TNFAIP3: variants seen among roughly 807,000 people sequenced by gnomAD.
The protein encoded by TNFAIP3 is TNF alpha induced protein 3, also known as tumor necrosis factor alpha-induced protein 3.
In TNFAIP3, 9 loss-of-function variants were observed where a neutral mutation model predicts 72.4. The ratio of observed to expected loss-of-function variants is 0.12; its 90% confidence interval spans 0.07 to 0.22. The LOEUF (loss-of-function observed/expected upper bound fraction) is 0.22. Among genes scored for constraint, TNFAIP3 ranks in the 10% least tolerant of loss-of-function variants. TNFAIP3 has a pLI of 1.00. For missense variants in TNFAIP3, 833 were observed against 1,018.7 expected (o/e 0.82, Z 2.48); for synonymous variants, 339 against 372.6 (o/e 0.91, Z 1.04).
At position 137,877,156 on chromosome 6, in the gene TNFAIP3, A is replaced by T; in HGVS notation, c.886A>T (p.Asn296Tyr). The change falls in exon 6 of 9, where the codon AAT becomes TAT. Residue 296 changes from asparagine to tyrosine, a missense_variant. Physicochemically the swap from Asn to Tyr is moderately radical, Grantham distance 143. Around this residue, in one of 2 missense-constraint regions of TNFAIP3, gnomAD observed 587 missense variants for 657.8 expected, o/e 0.89. Coordinates refer to ENST00000612899, the MANE Select transcript of TNFAIP3 (RefSeq NM_001270508.2). ...AGTTCACTTTTTGACAGATCCTGAA[A>T]ATGAGATGAAGGAGAAGCTCTTAAA... ...LKVHFLTDPENEMKEKLLKEY... is the reference protein window; with the variant it reads ...LKVHFLTDPEYEMKEKLLKEY... 1 of 1,614,096 alleles carries T rather than the reference A, an allele frequency of 6.2e-7. No homozygotes were observed. The highest frequency in any genetic ancestry group is 8.5e-7 in the Non-Finnish European group (1 of 1,179,988).
chr6:137,875,662 CT>C lies in TNFAIP3; in HGVS notation c.487-18del, dbSNP rs34143521. ...ACAGGGAGTACAGGATACATTCAAGCTTTTTTTTCACCCCGCTCCCCTTAGA... is the reference window on the plus strand; with the variant it reads ...ACAGGGAGTACAGGATACATTCAAGCTTTTTTTCACCCCGCTCCCCTTAGA... On this transcript the variant is annotated intron_variant, in intron 3 of 8. Coordinates refer to ENST00000612899, the MANE Select transcript of TNFAIP3 (RefSeq NM_001270508.2). 7 of 1,612,134 alleles carry C rather than the reference CT, an allele frequency of 4.3e-6. No individual in the cohort carries two copies. Among genetic ancestry groups the C allele is most frequent in the Admixed American group, 1.7e-5 (1 of 59,836 alleles).
In TNFAIP3 at chr6:137,881,190, C is replaced by T. The variant is rs778784894; in HGVS notation, c.2244C>T (p.His748=). Residue 748 remains histidine (H), a synonymous_variant, in exon 9 of 9, where the codon CAC becomes CAT. Transcript: ENST00000612899. The surrounding 1 kb of genome is among the most constrained non-coding windows in gnomAD (Gnocchi z 5.0). ...HPNQRMGPGA[H]RGEPAPEDPP... is the part of the protein sequence containing the mutation. ...ACCAGAGGATGGGCCCTGGGGCCCA[C>T]CGGGGTGAGCCTGCCCCCGAAGACC... 4.3e-6 allele frequency: 7 copies of T among 1,613,454 alleles called. No individual in the cohort carries two copies. In the East Asian group the frequency reaches 6.7e-5, roughly 15 times the overall value.
chr6:137,872,932 C>G (rs778142042), intron 2 of TNFAIP3, among the ~76,000 whole-genome samples: 8 of 151,700 alleles, frequency 5.3e-5, no homozygotes, highest in African/African-American at 1.7e-4. Context: ...TGACTTTTAG[C>G]TTTATTTCCT....
intron 1 of TNFAIP3, among the ~76,000 whole-genome samples, chr6:137,869,337 A>AGATGGATGGATGGATGGATGGATG (rs71009567): frequency 6.9e-6 from 1 of 145,032 alleles, no homozygotes; most frequent in Admixed American, 6.9e-5. Flanking sequence ...ATGGATGGAT[A>AGATGGATGGATGGATGGATGGATG]GATGGATGGA....
At chr6:137,872,332 G>A (rs1190191268) in intron 2 of TNFAIP3, among the ~76,000 whole-genome samples, 2 of 152,134 alleles carry the variant, frequency 1.3e-5, no homozygotes, top group Non-Finnish European at 2.9e-5. Flanking sequence ...CTATGGATGT[G>A]CATAATTATG....
At chr6:137,868,304 T>C (rs993758758) in intron 1 of TNFAIP3, 1 of 152,368 alleles carries the variant, frequency 6.6e-6, no homozygotes, top group Non-Finnish European at 1.5e-5. Context: ...GCCTCAGATC[T>C]TCTTGCCTTG....
chr6:137,880,624 C>T (rs1012489545), intron 8 of TNFAIP3, among the ~76,000 whole-genome samples: 4 of 118,550 alleles, frequency 3.4e-5, no homozygotes, highest in Admixed American at 9.5e-5. Context: ...TCATAAGGAG[C>T]GAACAGACAG....
At position 137,878,439 on chromosome 6, in the gene TNFAIP3, G is replaced by A; in HGVS notation, c.994G>A (p.Glu332Lys). 1 of 1,603,852 alleles carries A rather than the reference G, an allele frequency of 6.2e-7. No homozygotes were observed. The highest frequency in any genetic ancestry group is 8.5e-7 in the Non-Finnish European group (1 of 1,172,282). ...THLINAAKLD[E>K]ANLPKEINLV... ...TTTCCTTTTGGTCTTCAGGTTGGAT[G>A]AAGCTAACTTACCAAAAGAAATCAA... Residue 332 changes from glutamate (E) to lysine (K), a missense_variant, in exon 7 of 9, where the codon GAA (glutamate) becomes AAA (lysine). Transcript: ENST00000612899.
At position 137,878,742 on chromosome 6, in the gene TNFAIP3, A is replaced by G. The variant is rs1168323487; in HGVS notation, c.1297A>G (p.Met433Val). Residue 433 changes from methionine to valine, a missense_variant, in exon 7 of 9, where the codon ATG becomes GTG. This residue lies in a region of TNFAIP3 where 587 missense variants were observed against 657.8 expected (regional missense o/e 0.89). Transcript: ENST00000612899. ...SKPGPEGLPG[M>V]ALGASRGEAY... ...GCCGGGCCCTGAGGGGCTCCCTGGCATGGCGCTCGGGGCCTCTCGGGGAGA... is the reference window on the plus strand; with the variant it reads ...GCCGGGCCCTGAGGGGCTCCCTGGCGTGGCGCTCGGGGCCTCTCGGGGAGA... 8 of 1,613,936 alleles carry G rather than the reference A, an allele frequency of 5.0e-6. No individual in the cohort carries two copies. Among genetic ancestry groups the G allele is most frequent in the Non-Finnish European group, 6.8e-6 (8 of 1,180,026 alleles).
chr6:137,869,586 T>C (rs765943759), intron 1 of TNFAIP3, among the ~76,000 whole-genome samples: 10 of 152,094 alleles, frequency 6.6e-5, no homozygotes, highest in Non-Finnish European at 1.2e-4. Context: ...AATCCCAATC[T>C]AAAACTATCA....
Position 137,880,097 on chromosome 6 carries a change from A to ATG in TNFAIP3, c.1933_1934insTG (p.Ser645MetfsTer53). On this transcript the variant is annotated frameshift_variant, in exon 8 of 9. Coordinates refer to ENST00000612899, the MANE Select transcript of TNFAIP3 (RefSeq NM_001270508.2). LOFTEE classifies it high-confidence loss of function. The stretch of plus-strand genomic sequence containing the variant: ...TTTTGCTGCTGCCTCAGGGAAAGTC[A>ATG]GTCCCACAGCGTCCAGGTTCCAGAA... The ATG allele has an allele frequency of 6.2e-7, 1 of 1,614,192 alleles. No individual in the cohort carries two copies. Among genetic ancestry groups the ATG allele is most frequent in the African/African-American group, 1.3e-5 (1 of 75,046 alleles).
chr6:137,873,116 T>C (rs1160519617), intron 2 of TNFAIP3, among the ~76,000 whole-genome samples: 1 of 152,180 alleles, frequency 6.6e-6, no homozygotes, highest in East Asian at 1.9e-4. Flanking sequence ...CTCAGAGTCC[T>C]TTTGTTTCTT....
chr6:137,870,284 T>G (rs781365304), intron 1 of TNFAIP3, among the ~76,000 whole-genome samples: 3 of 152,112 alleles, frequency 2.0e-5, no homozygotes, highest in Non-Finnish European at 4.4e-5. Context: ...TATTTTGCGG[T>G]TTTTCATTTT....
upstream of TNFAIP3, chr6:137,867,097 G>A (rs999320341): frequency 6.6e-6 from 1 of 150,702 alleles, no homozygotes; most frequent in African/African-American, 2.4e-5. The surrounding 1 kb of genome is among the most constrained non-coding windows in gnomAD (Gnocchi z 6.0). Flanking sequence ...CGCAGGCCCG[G>A]TCGGGCGGAG....
rs899059690 is a variant in TNFAIP3 at position 137,875,807 on chromosome 6, C to T, written c.606C>T (p.Ile202=). The part of the protein sequence containing the change: ...EEIHIFVLCN[I]LRRPIIVISD... ...TACACATATTTGTCCTTTGCAACATCCTCAGAAGGCCAATCATTGTCATTT... is the reference window on the plus strand; with the variant it reads ...TACACATATTTGTCCTTTGCAACATTCTCAGAAGGCCAATCATTGTCATTT... Residue 202 remains isoleucine, a synonymous_variant, in exon 4 of 9, where the codon ATC becomes ATT. Transcript: ENST00000612899. 1.2e-5 allele frequency: 19 copies of T among 1,614,062 alleles called. No homozygotes were observed. The highest frequency in any genetic ancestry group is 1.4e-5 in the Non-Finnish European group (17 of 1,180,034).
At position 137,871,581 on chromosome 6, in the gene TNFAIP3, C is replaced by CCCATTCATG; in HGVS notation, c.295+60_295+68dup. ...GGTGATAGCTCCCGCCTGCTGGATCCCCATTCATGAAGCTTTAATAGGACA... is the reference window on the plus strand; with the variant it reads ...GGTGATAGCTCCCGCCTGCTGGATCCCCATTCATGCCATTCATGAAGCTTTAATAGGACA... On this transcript the variant is annotated intron_variant, in intron 2 of 8. Coordinates refer to ENST00000612899, the MANE Select transcript of TNFAIP3 (RefSeq NM_001270508.2). The surrounding 1 kb of genome is among the most constrained non-coding windows in gnomAD (Gnocchi z 4.2). 1 of 1,567,444 alleles carries CCCATTCATG rather than the reference C, an allele frequency of 6.4e-7. No homozygotes were observed. The highest frequency in any genetic ancestry group is 8.7e-7 in the Non-Finnish European group (1 of 1,155,742).
intron 8 of TNFAIP3, 102 bp downstream of exon 8, chr6:137,880,354 G>A (rs1297559634): frequency 4.0e-6 from 5 of 1,258,256 alleles, no homozygotes; most frequent in African/African-American, 1.5e-5. Context: ...TCTCTGCCAG[G>A]TTCTGTCTCC....
Position 137,878,811 on chromosome 6 carries a change from G to C in TNFAIP3, c.1366G>C (p.Gly456Arg), listed in dbSNP as rs1562272661. The C allele has an allele frequency of 1.2e-6, 2 of 1,614,098 alleles. No homozygotes were observed. Among genetic ancestry groups the C allele is most frequent in the South Asian group, 2.2e-5 (2 of 91,082 alleles). Residue 456 changes from glycine to arginine, a missense_variant, in exon 7 of 9, where the codon GGG (glycine) becomes CGG (arginine). Gly to Arg is a moderately radical substitution (Grantham distance 125). Coordinates refer to ENST00000612899, the MANE Select transcript of TNFAIP3 (RefSeq NM_001270508.2). ...LAWNPEESTG[G>R]PHSAPPTAPS... is the part of the protein sequence containing the mutation. ...GTGGAACCCTGAGGAGTCCACTGGG[G>C]GGCCTCATTCGGCCCCACCGACAGC...
At position 137,876,097 on chromosome 6, in the gene TNFAIP3, TACCCC is replaced by T; in HGVS notation, c.738_742del (p.Pro247CysfsTer5). 1 of 1,614,230 alleles carries T rather than the reference TACCCC, an allele frequency of 6.2e-7. No individual in the cohort carries two copies. The highest frequency in any genetic ancestry group is 8.5e-7 in the Non-Finnish European group (1 of 1,180,026). ...CTGGCCTGCCCAGGAATGCTACAGA[TACCCC>T]ATTGTTCTCGGCTATGACAGCCATC... On this transcript the variant is annotated frameshift_variant, in exon 5 of 9. Transcript: ENST00000612899. LOFTEE classifies it high-confidence loss of function.
Sources: gnomAD v4.1 joint callset for allele counts (sites outside exome capture counted in the v4.1 genomes callset) on GRCh38, gnomAD v4.1.1 for gene constraint, gnomAD v4.1.1 regional missense constraint, Gnocchi (gnomAD v3.1) non-coding constraint, MANE v1.5 for transcripts, NCBI Gene and HGNC (gene_info 2026-07-23, HGNC 2026-07-21) for gene names.